SOX5: variants seen among roughly 807,000 people sequenced by gnomAD.
The protein encoded by SOX5 is transcription factor SOX-5.
SOX5 carries 9 observed loss-of-function variants against 92.0 expected under a neutral mutation model. The observed-to-expected ratio is 0.10, with a 90% CI of 0.06 to 0.17. The LOEUF (loss-of-function observed/expected upper bound fraction) is 0.17, where lower values mean the gene tolerates loss of function less well. SOX5 is among the 10% of genes least tolerant of loss of function. SOX5 has a pLI of 1.00. For missense variants in SOX5, 642 were observed against 944.5 expected, an observed-to-expected ratio of 0.68 and a Z score of 4.20; for synonymous variants, 344 against 336.3, an observed-to-expected ratio of 1.02 and a Z score of -0.25.
rs562243951 is a variant in SOX5, at chr12:23,575,519, C to T, written c.1342+142G>A. The T allele has an allele frequency of 3.8e-4, 253 of 666,596 alleles. 1 individual carries two copies. Among genetic ancestry groups the T allele is most frequent in the Non-Finnish European group, 5.5e-4 (215 of 394,474 alleles). 41.3% of individuals were successfully genotyped at this position (666,596 alleles called of 1,614,324 possible). A position where few individuals can be genotyped will look rare whatever the true frequency, so the allele number is the denominator to read the frequency against. ...AGAAATTTCATTTACATGTTTAAAA[C>T]GGACCTAGGTGGTTCCTCAAATTGA... On this transcript the variant is annotated intron_variant, in intron 10 of 14. Transcript: ENST00000451604.
chr12:23,724,154 A>G (rs571142347), intron 6 of SOX5, among the ~76,000 whole-genome samples: 2 of 152,320 alleles, frequency 1.3e-5, no homozygotes, highest in African/African-American at 4.8e-5. Context: ...GAAAAGACCA[A>G]TTAGTCTTAT....
intron 1 of SOX5, among the ~76,000 whole-genome samples, chr12:24,378,237 A>G (rs1428806896): frequency 6.6e-6 from 1 of 152,226 alleles, no homozygotes; most frequent in Non-Finnish European, 1.5e-5. Context: ...AAGTTTCTCA[A>G]ATTTCATTAA....
chr12:23,787,917 C>T (rs2095409509), intron 3 of SOX5, among the ~76,000 whole-genome samples: 1 of 150,246 alleles, frequency 6.7e-6, no homozygotes, highest in East Asian at 2.0e-4. Context: ...CCTGCTTAGA[C>T]CCGAGATGCT....
intron 4 of SOX5, among the ~76,000 whole-genome samples, chr12:24,178,662 T>TA (rs905781438): frequency 4.7e-4 from 71 of 151,944 alleles, no homozygotes; most frequent in Admixed American, 1.2e-3. Flanking sequence ...GTATTTTAGA[T>TA]AAAAAAAAAT....
At chr12:24,316,541 C>T (rs1377413845) in intron 2 of SOX5, among the ~76,000 whole-genome samples, 1 of 152,118 alleles carries the variant, frequency 6.6e-6, no homozygotes, top group African/African-American at 2.4e-5. Context: ...CTCTCTGGGC[C>T]TCTAACTTTT....
chr12:23,679,214 C>G (rs2086187165), intron 6 of SOX5, among the ~76,000 whole-genome samples: 1 of 152,102 alleles, frequency 6.6e-6, no homozygotes, highest in African/African-American at 2.4e-5. Context: ...GTAGACAGCA[C>G]TTAGAACCTA....
intron 4 of SOX5, among the ~76,000 whole-genome samples, chr12:24,147,433 C>T (rs908570675): frequency 2.0e-5 from 3 of 152,130 alleles, no homozygotes; most frequent in Non-Finnish European, 4.4e-5. Flanking sequence ...ATTCTCACCA[C>T]GATGAAGAAC....
In SOX5 at chr12:23,816,788, G is replaced by C. The variant is rs373042330; in HGVS notation, c.481+29195C>G. On this transcript the variant is annotated intron_variant, in intron 3 of 14. Coordinates refer to ENST00000451604, the MANE Select transcript of SOX5 (RefSeq NM_006940.6). ...CACAGGAAGTGAGCTCACTATGGCT[G>C]CAGGTTGACTATGCCCACTTTAATA... 2.6e-5 allele frequency among the ~76,000 whole-genome samples: 4 copies of C among 152,178 alleles called. No homozygotes were observed. The South Asian group carries it at 8.3e-4, about 31-fold the overall frequency.
At chr12:23,853,778 T>C (rs2096659001) in intron 2 of SOX5, among the ~76,000 whole-genome samples, 1 of 152,124 alleles carries the variant, frequency 6.6e-6, no homozygotes. Context: ...CTCATTATCT[T>C]CCTGGGGATG....
At chr12:23,541,957 AAAGT>A (rs1354939884) in intron 13 of SOX5, among the ~76,000 whole-genome samples, 1 of 152,124 alleles carries the variant, frequency 6.6e-6, no homozygotes, top group Non-Finnish European at 1.5e-5. Context: ...CGAAAATACA[AAAGT>A]TAGTTGGGCA....
intron 8 of SOX5, among the ~76,000 whole-genome samples, chr12:23,625,959 G>A (rs1215411749): frequency 6.6e-6 from 1 of 152,092 alleles, no homozygotes; most frequent in East Asian, 1.9e-4. Context: ...ACAATTGTGG[G>A]AGAATAAAAA....
At chr12:24,442,365 T>C (rs960064341) in intron 1 of SOX5, among the ~76,000 whole-genome samples, 1 of 152,148 alleles carries the variant, frequency 6.6e-6, no homozygotes, top group African/African-American at 2.4e-5. Context: ...GGACAGAACA[T>C]GCAAAACTCC....
rs12322104 is a variant in SOX5 at position 24,393,627 on chromosome 12, C to T, written c.-250-24988G>A. Among the ~76,000 whole-genome samples the T allele has an allele frequency of 0.019, 2,848 of 152,156 alleles. 43 individuals are homozygous for T. Among genetic ancestry groups the T allele is most frequent in the African/African-American group, 0.035 (1,446 of 41,504 alleles). ...ATTATGAAATAGATAATCTTTTATA[C>T]GGATTACGCTTTAAGACATGGCCCT... On this transcript the variant is annotated intron_variant, in intron 1 of 4. Coordinates refer to the SOX5 transcript ENST00000446891. This position sits in a 1 kb window ranked among gnomAD's most constrained non-coding sequence, Gnocchi z 5.0.
intron 1 of SOX5, among the ~76,000 whole-genome samples, chr12:24,464,323 A>T (rs950437938): frequency 1.2e-3 from 162 of 138,748 alleles, no homozygotes; most frequent in African/African-American, 4.3e-3. Context: ...GTGAGAGTTA[A>T]TTTTTTTTTT....
intron 6 of SOX5, among the ~76,000 whole-genome samples, chr12:23,727,716 A>G (rs1371998415): frequency 1.3e-5 from 2 of 152,168 alleles, no homozygotes; most frequent in Admixed American, 1.3e-4. Flanking sequence ...CATGGTATTT[A>G]AAGTTGATAA....
intron 1 of SOX5, among the ~76,000 whole-genome samples, chr12:24,379,228 A>C (rs1172891766): frequency 6.6e-6 from 1 of 152,234 alleles, no homozygotes; most frequent in Non-Finnish European, 1.5e-5. Context: ...TCTCACTTTC[A>C]AGTTAACTCT....
At chr12:24,348,049 C>CAAAAAAAAAAA (rs1182462748) in intron 2 of SOX5, among the ~76,000 whole-genome samples, 38 of 72,720 alleles carry the variant, frequency 5.2e-4, no homozygotes, top group African/African-American at 1.5e-3. Context: ...TACAGCTAAT[C>CAAAAAAAAAAA]AAAAAAAAAA....
At chr12:23,970,826 T>TATATATATATATATATATATATATA (rs1392995616) in intron 4 of SOX5, among the ~76,000 whole-genome samples, 4 of 25,776 alleles carry the variant, frequency 1.6e-4, no homozygotes, top group Non-Finnish European at 3.1e-4. Flanking sequence ...ACATGGGACT[T>TATATATATATATATATATATATATA]TATATATATA....
At chr12:24,481,182 C>T (rs1432793399) in intron 1 of SOX5, among the ~76,000 whole-genome samples, 1 of 152,002 alleles carries the variant, frequency 6.6e-6, no homozygotes, top group East Asian at 1.9e-4. Context: ...CATATTCTCG[C>T]TTATGTGTGC....
Sources: allele counts gnomAD v4.1 joint callset (sites outside exome capture counted in the v4.1 genomes callset), GRCh38; gene constraint gnomAD v4.1.1; non-coding constraint Gnocchi (gnomAD v3.1); transcripts MANE v1.5; gene names NCBI Gene and HGNC (gene_info 2026-07-23, HGNC 2026-07-21).